Variants in NCOA1 observed in about 807,000 individuals in gnomAD.
NCOA1 encodes Hin-2 protein.
A neutral mutation model predicts 150.9 loss-of-function variants in NCOA1; 35 were observed. The ratio of observed to expected loss-of-function variants is 0.23; its 90% CI spans 0.18 to 0.31. NCOA1 has a LOEUF of 0.31. Ranked by LOEUF, NCOA1 falls within the 10% of genes least tolerant of loss-of-function variation. NCOA1 has a pLI of 1.00. For synonymous variants in NCOA1, 590 were observed against 630.0 expected, an observed-to-expected ratio of 0.94 and a Z score of 0.95; for missense variants, 1,491 against 1,749.3, an observed-to-expected ratio of 0.85 and a Z score of 2.63.
At chr2:24,553,589 T>C (rs1665955442) in intron 1 of NCOA1, among the ~76,000 whole-genome samples, 1 of 152,242 alleles carries the variant, frequency 6.6e-6, no homozygotes. Flanking sequence ...GCGTATTACA[T>C]TGATGGATTT....
At chr2:24,586,446 G>T (rs1667413419) in intron 3 of NCOA1, among the ~76,000 whole-genome samples, 1 of 151,976 alleles carries the variant, frequency 6.6e-6, no homozygotes, top group Non-Finnish European at 1.5e-5. Context: ...GAGTGCAGTG[G>T]CATGATCTGG....
intron 8 of NCOA1, among the ~76,000 whole-genome samples, chr2:24,688,952 ATCT>A (rs1356344711): frequency 1.3e-5 from 2 of 152,246 alleles, no homozygotes; most frequent in South Asian, 4.1e-4. Context: ...TCCAGTTTTA[ATCT>A]TCTGCATATG....
intron 3 of NCOA1, among the ~76,000 whole-genome samples, chr2:24,637,631 A>G (rs924250212): frequency 1.3e-5 from 2 of 149,216 alleles, no homozygotes; most frequent in Admixed American, 6.7e-5. Flanking sequence ...TGTTGCAAGC[A>G]TTCATTACCT....
intron 14 of NCOA1, among the ~76,000 whole-genome samples, chr2:24,714,364 A>G (rs984334302): frequency 6.7e-6 from 1 of 148,428 alleles, no homozygotes; most frequent in African/African-American, 2.4e-5. Flanking sequence ...CCCATACCCA[A>G]ACAAAGTCAG....
intron 3 of NCOA1, among the ~76,000 whole-genome samples, chr2:24,620,707 GTGTTT>G (rs149961094): frequency 0.025 from 3,753 of 151,962 alleles, 152 homozygotes; most frequent in African/African-American, 0.084. Flanking sequence ...TGTTTTTAAA[GTGTTT>G]TGTATGTTCA....
At chr2:24,721,837 G>A (rs1646949733) in intron 14 of NCOA1, among the ~76,000 whole-genome samples, 1 of 152,138 alleles carries the variant, frequency 6.6e-6, no homozygotes. Flanking sequence ...TGTTGCAAGT[G>A]TTTTAGTTTA....
Position 24,719,585 on chromosome 2 carries a change from T to C in NCOA1, c.2600-7004T>C, listed in dbSNP as rs186527194. ...TAAAAGACCTCAGATTTTATCTGCT[T>C]GATATATTCACCTTTTCTAGCAAAG... On this transcript the variant is annotated intron_variant, in intron 14 of 22. Transcript: ENST00000348332. 4.6e-5 allele frequency among the ~76,000 whole-genome samples: 7 copies of C among 152,288 alleles called. No individual in the cohort carries two copies. The East Asian group carries it at 1.4e-3, about 29-fold the overall frequency.
chr2:24,567,913 T>G (rs1666580702), intron 2 of NCOA1, among the ~76,000 whole-genome samples: 1 of 152,038 alleles, frequency 6.6e-6, no homozygotes, highest in Non-Finnish European at 1.5e-5. Flanking sequence ...CTGGCTAATT[T>G]TTGTATTTTT....
At chr2:24,526,556 A>C (rs1664661488) in intron 1 of NCOA1, among the ~76,000 whole-genome samples, 1 of 152,052 alleles carries the variant, frequency 6.6e-6, no homozygotes, top group South Asian at 2.1e-4. Context: ...TTGTGGTGAG[A>C]TTTCCATGAA....
intron 3 of NCOA1, among the ~76,000 whole-genome samples, chr2:24,617,810 A>G (rs758848905): frequency 6.6e-6 from 1 of 152,194 alleles, no homozygotes; most frequent in Non-Finnish European, 1.5e-5. Context: ...TTTAATACCA[A>G]AAAACAAAAA....
intron 4 of NCOA1, among the ~76,000 whole-genome samples, chr2:24,657,025 AG>A (rs1402337094): frequency 6.6e-6 from 1 of 152,146 alleles, no homozygotes; most frequent in Non-Finnish European, 1.5e-5. Context: ...TTCTATTTTT[AG>A]TTTTTTGAAG....
At chr2:24,658,576 T>C in intron 4 of NCOA1, 85 bp from the exon 5 acceptor site, 1 of 943,920 alleles carries the variant, frequency 1.1e-6, no homozygotes, top group Non-Finnish European at 1.7e-6. Flanking sequence ...TTTTAGAAAT[T>C]TTCTAACAGA....
intron 11 of NCOA1, among the ~76,000 whole-genome samples, chr2:24,700,922 G>C (rs1221841006): frequency 1.3e-5 from 2 of 152,154 alleles, no homozygotes; most frequent in Admixed American, 1.3e-4. Flanking sequence ...AGGAAATGAT[G>C]TTTTATGGGT....
At chr2:24,560,883 C>T (rs1445247208) in intron 1 of NCOA1, among the ~76,000 whole-genome samples, 1 of 152,172 alleles carries the variant, frequency 6.6e-6, no homozygotes, top group African/African-American at 2.4e-5. Context: ...AATCACACCA[C>T]AGAGGTTTCT....
At chr2:24,734,267 CA>C (rs150882989) in intron 17 of NCOA1, among the ~76,000 whole-genome samples, 22,554 of 150,054 alleles carry the variant, frequency 0.15, 2,060 homozygotes, top group Non-Finnish European at 0.21. Context: ...AAAGAACATC[CA>C]AAAAAAAATA....
chr2:24,634,630 T>C (rs1669851849), intron 3 of NCOA1, among the ~76,000 whole-genome samples: 1 of 151,020 alleles, frequency 6.6e-6, no homozygotes, highest in Admixed American at 6.6e-5. Context: ...GCTTCAGTCA[T>C]GTCCAATAGC....
At chr2:24,730,190 C>A (rs1662931883) in intron 17 of NCOA1, among the ~76,000 whole-genome samples, 1 of 152,196 alleles carries the variant, frequency 6.6e-6, no homozygotes, top group African/African-American at 2.4e-5. Flanking sequence ...CTCTGCAAGG[C>A]AGCCCAGTTG....
intron 1 of NCOA1, among the ~76,000 whole-genome samples, chr2:24,493,904 A>T (rs1026628706): frequency 6.6e-6 from 1 of 152,160 alleles, no homozygotes; most frequent in Admixed American, 6.5e-5. Flanking sequence ...ATTTTTGTTG[A>T]ATTTCCTGTT....
At chr2:24,505,661 A>T (rs946150236) in intron 1 of NCOA1, among the ~76,000 whole-genome samples, 2 of 151,890 alleles carry the variant, frequency 1.3e-5, no homozygotes, top group Non-Finnish European at 2.9e-5. Flanking sequence ...CATTCTTTTT[A>T]ATTTTTTTAG....
Sources: allele counts gnomAD v4.1 joint callset (sites outside exome capture counted in the v4.1 genomes callset), GRCh38; gene constraint gnomAD v4.1.1; transcripts MANE v1.5; gene names NCBI Gene and HGNC (gene_info 2026-07-23, HGNC 2026-07-21).